TTC34: variants seen among roughly 807,000 people sequenced by gnomAD.
TTC34 encodes tetratricopeptide repeat protein 34.
Under a neutral mutation model 40.7 loss-of-function variants are expected in TTC34, and 44 were observed. That is an observed-to-expected ratio of 1.08 (90% CI 0.85 to 1.39). TTC34 has a LOEUF of 1.39. Ranked by LOEUF, TTC34 falls within the 40% of genes most tolerant of loss-of-function variation. TTC34 has a pLI of 0.00. For synonymous variants in TTC34, 422 were observed against 398.6 expected (o/e 1.06, Z -0.70); for missense variants, 884 against 838.0 (o/e 1.05, Z -0.68).
At chr1:2,685,634 C>G (rs1640299032) in intron 6 of TTC34, among the ~76,000 whole-genome samples, 1 of 136,230 alleles carries the variant, frequency 7.3e-6, no homozygotes, top group Admixed American at 7.2e-5. Flanking sequence ...GAGCAGCACC[C>G]ACACCCTCAG....
At chr1:2,765,650 T>C (rs1371171403) in intron 6 of TTC34, among the ~76,000 whole-genome samples, 2 of 6,228 alleles carry the variant, frequency 3.2e-4, no homozygotes, top group Non-Finnish European at 4.5e-4. Flanking sequence ...AGGTGAGCAT[T>C]CGACAGCCTG....
In TTC34 at chr1:2,796,566, G is replaced by A. The variant is rs535837040; in HGVS notation, c.784+3478C>T. On this transcript the variant is annotated intron_variant, in intron 2 of 8. Coordinates refer to ENST00000401095, the Ensembl canonical transcript of TTC34. The surrounding 1 kb of genome is among the most constrained non-coding windows in gnomAD (Gnocchi z 4.5). Reference sequence around the variant, plus strand: ...CACATTCCCCAAGCCTGCAACACTTGGGGGGTTCTGGATTTCTGCAGAGAG... The same window carrying A: ...CACATTCCCCAAGCCTGCAACACTTAGGGGGTTCTGGATTTCTGCAGAGAG... Among the ~76,000 whole-genome samples the A allele has an allele frequency of 3.3e-5, 5 of 152,184 alleles. No individual in the cohort carries two copies. Among genetic ancestry groups the A allele is most frequent in the Admixed American group, 3.3e-4 (5 of 15,296 alleles).
rs1024850299 is a variant in TTC34, at chr1:2,698,830, C to A, written c.2227-53267G>T. ...ACACCCACAGGTGAGCATCTCACAG[C>A]CTGCAACAGTACCCACACTCCCAGG... On this transcript the variant is annotated intron_variant, in intron 6 of 8. Coordinates refer to ENST00000401095, the Ensembl canonical transcript of TTC34. Among the ~76,000 whole-genome samples the A allele has an allele frequency of 1.8e-4, 27 of 147,888 alleles. 3 individuals carry two copies. Among genetic ancestry groups the A allele is most frequent in the Non-Finnish European group, 7.5e-5 (5 of 66,486 alleles).
intron 6 of TTC34, among the ~76,000 whole-genome samples, chr1:2,764,676 CT>C (rs1230129207): frequency 8.8e-6 from 1 of 113,542 alleles, no homozygotes; most frequent in African/African-American, 3.0e-5. Flanking sequence ...AGGTGACCAT[CT>C]GACAGCCTGA....
chr1:2,774,685 CCT>C, intron 6 of TTC34: 1 of 34,678 alleles, frequency 2.9e-5, no homozygotes, highest in Non-Finnish European at 6.1e-5. Flanking sequence ...CATCTGACAG[CCT>C]GGAGCAGCAC....
rs969050389 is a variant in TTC34, at chr1:2,643,440, TCTAGCCGCCTC to T, written c.2712+813_2712+823del. ...GGTGACCCCCGTTCAGGAGACCCCA[TCTAGCCGCCTC>T]CTCTGGGCTCCGGGACCATGGCCCC... On this transcript the variant is annotated intron_variant, in intron 8 of 8. Coordinates refer to ENST00000401095, the Ensembl canonical transcript of TTC34. Among the ~76,000 whole-genome samples the T allele has an allele frequency of 3.7e-4, 57 of 152,180 alleles. 2 individuals are homozygous for T. The South Asian group carries it at 6.8e-3, about 18-fold the overall frequency.
intron 6 of TTC34, among the ~76,000 whole-genome samples, chr1:2,753,358 C>T (rs1401870223): frequency 0.16 from 12,151 of 77,164 alleles, 1 homozygote; most frequent in Middle Eastern, 0.32. Context: ...ATCTGACAGC[C>T]TAGAACAGCA....
chr1:2,749,425 C>A (rs1641244718), intron 6 of TTC34, among the ~76,000 whole-genome samples: 1 of 144,910 alleles, frequency 6.9e-6, no homozygotes, highest in African/African-American at 2.7e-5. Context: ...CACGTGACAG[C>A]CTGGAACAGC....
intron 6 of TTC34, among the ~76,000 whole-genome samples, chr1:2,675,547 GGAA>G (rs1639878840): frequency 7.9e-6 from 1 of 127,320 alleles, no homozygotes; most frequent in African/African-American, 3.0e-5. Context: ...GTGACAGCCT[GGAA>G]GAGCACCCAC....
rs1443948950 is a variant in TTC34, at chr1:2,789,485, G to A, written c.1628+18C>T. On this transcript the variant is annotated intron_variant, in intron 3 of 8. Transcript: ENST00000401095. ...CCGCAGGAAGCAGCGGCCCCAGCGT[G>A]CCCGGGCGGGTCCTCACCCCTCCTG... The A allele has an allele frequency of 2.0e-6, 3 of 1,505,562 alleles. No homozygotes were observed. The highest frequency in any genetic ancestry group is 1.4e-5 in the African/African-American group (1 of 70,306). The allele number at this position is 1,505,562 out of a possible 1,614,324, so 93.3% of individuals were successfully genotyped here.
intron 6 of TTC34, among the ~76,000 whole-genome samples, chr1:2,753,344 G>GTT: frequency 8.3e-6 from 1 of 119,792 alleles, no homozygotes; most frequent in East Asian, 2.9e-4. Flanking sequence ...ACCCCCAGAC[G>GTT]AGCATCTGAC....
intron 6 of TTC34, among the ~76,000 whole-genome samples, chr1:2,752,476 G>C: frequency 6.8e-6 from 1 of 147,886 alleles, no homozygotes; most frequent in East Asian, 2.0e-4. Context: ...GTGACAGCCT[G>C]GAACAGCACC....
chr1:2,653,419 C>G (rs796276789), intron 6 of TTC34, among the ~76,000 whole-genome samples: 2 of 149,134 alleles, frequency 1.3e-5, no homozygotes, highest in East Asian at 4.1e-4. Flanking sequence ...CCCAGGTGAG[C>G]ATCTGACAGC....
chr1:2,753,044 A>T (rs1641377184), intron 6 of TTC34, among the ~76,000 whole-genome samples: 3 of 150,924 alleles, frequency 2.0e-5, no homozygotes, highest in Admixed American at 6.6e-5. Context: ...AGCCTGGAGC[A>T]GCACCCACAC....
intron 6 of TTC34, among the ~76,000 whole-genome samples, chr1:2,780,885 A>G (rs919425312): frequency 6.6e-6 from 1 of 152,224 alleles, no homozygotes; most frequent in Non-Finnish European, 1.5e-5. Context: ...CTTCTAATAC[A>G]TGAACATGGA....
At chr1:2,790,455 C>T (rs1643651016) in intron 2 of TTC34, 109 bp from the exon 3 acceptor site, 2 of 397,318 alleles carry the variant, frequency 5.0e-6, no homozygotes, top group African/African-American at 2.1e-5. Flanking sequence ...GACTGTGAGT[C>T]CTCCTGCCCG....
intron 6 of TTC34, among the ~76,000 whole-genome samples, chr1:2,767,840 C>A (rs1405888553): frequency 6.8e-6 from 1 of 147,862 alleles, no homozygotes; most frequent in African/African-American, 2.5e-5. Flanking sequence ...TGGAGCAGCA[C>A]CCACACCCCC....
At chr1:2,643,164 CCA>C (rs1055544073) in intron 8 of TTC34, among the ~76,000 whole-genome samples, 47 of 152,304 alleles carry the variant, frequency 3.1e-4, no homozygotes, top group Non-Finnish European at 6.2e-4. Flanking sequence ...CAATCCGACC[CCA>C]GACTCCCCTG....
At chr1:2,696,365 C>A (rs551109729) in intron 6 of TTC34, among the ~76,000 whole-genome samples, 1 of 20,732 alleles carries the variant, frequency 4.8e-5, no homozygotes, top group Non-Finnish European at 1.2e-4. Context: ...CACCCCCAGG[C>A]GAGGATCGGA....
Sources: allele counts gnomAD v4.1 joint callset (sites outside exome capture counted in the v4.1 genomes callset), GRCh38; gene constraint gnomAD v4.1.1; non-coding constraint Gnocchi (gnomAD v3.1); transcripts MANE v1.5; gene names NCBI Gene and HGNC (gene_info 2026-07-23, HGNC 2026-07-21).